The following APBB3 variants were observed in gnomAD, a reference collection of about 807,000 sequenced individuals.
APBB3 encodes the protein amyloid-beta A4 precursor protein-binding family B member 3.
A neutral mutation model predicts 61.5 loss-of-function variants in APBB3; 50 were observed. The ratio of observed to expected loss-of-function variants is 0.81; its 90% CI spans 0.65 to 1.03. APBB3 has a LOEUF of 1.03. Among genes scored for constraint, APBB3 ranks in the 50% least tolerant of loss-of-function variants. The probability of loss-of-function intolerance (pLI) is 0.00; values close to 1 mark genes in which losing one functional copy is unlikely to be tolerated. For missense variants in APBB3, 550 were observed against 637.4 expected (o/e 0.86, Z 1.48); for synonymous variants, 235 against 233.0 (o/e 1.01, Z -0.08).
chr5:140,558,497 G>C lies in APBB3; in HGVS notation c.*88C>G, dbSNP rs902495006. 5.6e-6 allele frequency: 7 copies of C among 1,259,556 alleles called. No individual in the cohort carries two copies. Among genetic ancestry groups the C allele is most frequent in the Admixed American group, 1.7e-5 (1 of 58,344 alleles). 78.0% of individuals were successfully genotyped at this position (1,259,556 alleles called of 1,614,324 possible). A position where few individuals can be genotyped will look rare whatever the true frequency, so the allele number is the denominator to read the frequency against. On this transcript the variant is annotated 3_prime_UTR_variant, in exon 13 of 13. Coordinates refer to ENST00000357560, the MANE Select transcript of APBB3 (RefSeq NM_133173.3). Reference sequence around the variant, plus strand: ...AGGGACAGGCAGAGAAGGCTTCAAGGAGTGACAGGCTATAGGCCTTGAGGA... The same window carrying C: ...AGGGACAGGCAGAGAAGGCTTCAAGCAGTGACAGGCTATAGGCCTTGAGGA...
In APBB3 at chr5:140,560,774, G is replaced by A. The variant is rs371380572; in HGVS notation, c.917-20C>T. The A allele has an allele frequency of 2.0e-5, 32 of 1,599,802 alleles. No individual in the cohort carries two copies. Among genetic ancestry groups the A allele is most frequent in the South Asian group, 3.3e-5 (3 of 90,730 alleles). On this transcript the variant is annotated intron_variant, in intron 10 of 12. Transcript: ENST00000357560. This position sits in a 1 kb window ranked among gnomAD's most constrained non-coding sequence, Gnocchi z 5.1. The stretch of plus-strand genomic sequence containing the variant: ...CCATGCCTGGGGGAACATACCCAGC[G>A]TGTCTCCCAGTGTAAAAGAAAGAGT...
At chr5:140,562,872 C>T (rs1056233514) in intron 3 of APBB3, 149 bp from the exon 4 acceptor site, 21 of 687,874 alleles carry the variant, frequency 3.1e-5, no homozygotes, top group South Asian at 2.0e-4. Context: ...GAGCCCAGGA[C>T]ATATTAACGT....
Position 140,564,297 on chromosome 5 carries a change from G to A in APBB3, c.-52C>T. On this transcript the variant is annotated 5_prime_UTR_variant, in exon 1 of 13. Coordinates refer to ENST00000357560, the MANE Select transcript of APBB3 (RefSeq NM_133173.3). The surrounding 1 kb of genome is among the most constrained non-coding windows in gnomAD (Gnocchi z 5.0). ...TGCCGGCCCGCACTCTCAGCCCAGC[G>A]CGACCTCTGGAGCTACTGCGCCTGC... 2 of 1,597,228 alleles carry A rather than the reference G, an allele frequency of 1.3e-6. No individual in the cohort carries two copies. The highest frequency in any genetic ancestry group is 4.5e-5 in the East Asian group (2 of 44,752).
rs1418191324 is a variant in APBB3, at chr5:140,564,169, T to A, written c.49+28A>T. 1 of 1,613,926 alleles carries A rather than the reference T, an allele frequency of 6.2e-7. No individual in the cohort carries two copies. The highest frequency in any genetic ancestry group is 1.7e-5 in the Admixed American group (1 of 60,008). The stretch of plus-strand genomic sequence containing the variant: ...TCCCTCGTCCTCCCTCAGCTCCTGG[T>A]CTTCCCACCGGGCCCCTCCGTGCAC... On this transcript the variant is annotated intron_variant, in intron 1 of 12. Coordinates refer to ENST00000357560, the MANE Select transcript of APBB3 (RefSeq NM_133173.3). This position sits in a 1 kb window ranked among gnomAD's most constrained non-coding sequence, Gnocchi z 5.0.
chr5:140,564,278 C>G lies in APBB3; in HGVS notation c.-33G>C. 6.2e-7 allele frequency: 1 copy of G among 1,604,362 alleles called. No homozygotes were observed. The highest frequency in any genetic ancestry group is 1.3e-5 in the African/African-American group (1 of 75,068). On this transcript the variant is annotated 5_prime_UTR_variant, in exon 1 of 13. Transcript: ENST00000357560. This position sits in a 1 kb window ranked among gnomAD's most constrained non-coding sequence, Gnocchi z 5.0. ...GCTGCTCCCCGCCAGCCTCTGCCGG[C>G]CCGCACTCTCAGCCCAGCGCGACCT...
chr5:140,559,811 G>C (rs1232887554), intron 12 of APBB3, among the ~76,000 whole-genome samples: 2 of 152,244 alleles, frequency 1.3e-5, no homozygotes, highest in Non-Finnish European at 2.9e-5. Flanking sequence ...TCTATCCTAA[G>C]TGTTTTGTGA....
intron 12 of APBB3, among the ~76,000 whole-genome samples, chr5:140,559,091 G>A (rs1754834713): frequency 6.6e-6 from 1 of 152,146 alleles, no homozygotes; most frequent in African/African-American, 2.4e-5. Flanking sequence ...TTGCAAAAGA[G>A]GAAATTGAGA....
At chr5:140,563,371 A>G in intron 3 of APBB3, 1 of 620,348 alleles carries the variant, frequency 1.6e-6, no homozygotes, top group Non-Finnish European at 2.8e-6. Context: ...ATAGGTTAGG[A>G]CCAAGAATAT....
intron 9 of APBB3, 111 bp downstream of exon 9, chr5:140,561,254 C>A (rs1292252184): frequency 2.0e-6 from 3 of 1,471,946 alleles, no homozygotes; most frequent in Non-Finnish European, 2.8e-6. Context: ...TCCCTGAGAC[C>A]AGACATCTCA....
At chr5:140,558,874 TG>T in intron 12 of APBB3, 53 bp from the exon 13 acceptor site, 1 of 1,521,184 alleles carries the variant, frequency 6.6e-7, no homozygotes. Context: ...CTAGACTCCC[TG>T]AAAGCTTCTG....
In APBB3 at chr5:140,561,629, A is replaced by C. The variant is rs572876263; in HGVS notation, c.705T>G (p.Pro235=). ...GTAGGGCACTGGCAATGGCCTTGGCAGGGACATCACAGCAAAACACATGGC... is the reference window on the plus strand; with the variant it reads ...GTAGGGCACTGGCAATGGCCTTGGCCGGGACATCACAGCAAAACACATGGC... ...LKCHVFCCDV[P]AKAIASALHG... The change falls in exon 8 of 13, where the codon CCT becomes CCG. Residue 235 remains proline (P), a synonymous_variant. Coordinates refer to ENST00000357560, the MANE Select transcript of APBB3 (RefSeq NM_133173.3). 235 of 1,614,244 alleles carry C rather than the reference A, an allele frequency of 1.5e-4. 4 individuals are homozygous for C. The South Asian group carries it at 2.5e-3, about 17-fold the overall frequency.
chr5:140,564,375 T>TACGGGGCGGGACACGGGGCGGGAC lies in APBB3; in HGVS notation c.-154_-131dup. The TACGGGGCGGGACACGGGGCGGGAC allele has an allele frequency of 9.6e-7, 1 of 1,039,500 alleles. No homozygotes were observed. Among genetic ancestry groups the TACGGGGCGGGACACGGGGCGGGAC allele is most frequent in the Non-Finnish European group, 1.4e-6 (1 of 708,234 alleles). The allele number at this position is 1,039,500 out of a possible 1,614,324, so 64.4% of individuals were successfully genotyped here. A position where few individuals can be genotyped will look rare whatever the true frequency, so the allele number is the denominator to read the frequency against. On this transcript the variant is annotated 5_prime_UTR_variant, in exon 1 of 13. Transcript: ENST00000357560. The surrounding 1 kb of genome is among the most constrained non-coding windows in gnomAD (Gnocchi z 5.0). ...GCGGGGCCAGCTGGCGCCGCACAAA[T>TACGGGGCGGGACACGGGGCGGGAC]ACGGGGCGGGACACGGGGCGGGACA...
intron 9 of APBB3, 129 bp from the exon 10 acceptor site, chr5:140,561,230 C>T: frequency 6.9e-7 from 1 of 1,445,586 alleles, no homozygotes; most frequent in Non-Finnish European, 9.7e-7. Flanking sequence ...GCTCCTCCAA[C>T]TAGTGGCTTG....
At chr5:140,561,754 T>C (rs764675208) in intron 7 of APBB3, 53 bp from the exon 8 acceptor site, 2 of 1,614,018 alleles carry the variant, frequency 1.2e-6, no homozygotes, top group Non-Finnish European at 1.7e-6. Flanking sequence ...GGCAGGAGCC[T>C]GCAGGAGGCT....
At position 140,564,189 on chromosome 5, in the gene APBB3, G is replaced by A. The variant is rs747255954; in HGVS notation, c.49+8C>T. The A allele has an allele frequency of 1.9e-6, 3 of 1,613,962 alleles. No homozygotes were observed. Among genetic ancestry groups the A allele is most frequent in the Admixed American group, 1.7e-5 (1 of 60,010 alleles). On this transcript the variant is annotated splice_region_variant and intron_variant, in intron 1 of 12. Transcript: ENST00000357560. The surrounding 1 kb of genome is among the most constrained non-coding windows in gnomAD (Gnocchi z 5.0). The stretch of plus-strand genomic sequence containing the variant: ...CCTGGTCTTCCCACCGGGCCCCTCC[G>A]TGCACACCATCGCAGTTGACCAGAA...
At chr5:140,559,558 A>G (rs918681268) in intron 12 of APBB3, among the ~76,000 whole-genome samples, 11 of 151,940 alleles carry the variant, frequency 7.2e-5, no homozygotes, top group African/African-American at 2.4e-4. Flanking sequence ...ACCTCTCACT[A>G]CGTCCCCCTT....
chr5:140,561,354 C>G lies in APBB3; in HGVS notation c.832+11G>C. The stretch of plus-strand genomic sequence containing the variant: ...CCCCAATGCAGCAATGCAGGTCTCC[C>G]CTCCCCATACCTTGCCGTGGCAGGT... On this transcript the variant is annotated intron_variant, in intron 9 of 12. Coordinates refer to ENST00000357560, the MANE Select transcript of APBB3 (RefSeq NM_133173.3). 1 of 1,614,140 alleles carries G rather than the reference C, an allele frequency of 6.2e-7. No individual in the cohort carries two copies.
intron 4 of APBB3, 23 bp downstream of exon 4, chr5:140,562,640 T>C: frequency 1.2e-6 from 2 of 1,613,974 alleles, no homozygotes; most frequent in Non-Finnish European, 1.7e-6. Flanking sequence ...GACCTCCCAA[T>C]GCCCTCAGGC....
intron 5 of APBB3, 48 bp from the exon 6 acceptor site, chr5:140,562,275 A>T: frequency 6.2e-7 from 1 of 1,612,026 alleles, no homozygotes. Context: ...GGTCATTGCC[A>T]TGAGAAATAG....
Sources: gnomAD v4.1 joint callset for allele counts (sites outside exome capture counted in the v4.1 genomes callset) on GRCh38, gnomAD v4.1.1 for gene constraint, Gnocchi (gnomAD v3.1) non-coding constraint, MANE v1.5 for transcripts, NCBI Gene and HGNC (gene_info 2026-07-23, HGNC 2026-07-21) for gene names.